POU6F2: variants seen among roughly 807,000 people sequenced by gnomAD.
POU6F2 encodes POU class 6 homeobox 2.
A neutral mutation model predicts 71.3 loss-of-function variants in POU6F2; 31 were observed. That is an observed-to-expected ratio of 0.43 (90% CI 0.33 to 0.59). The LOEUF (loss-of-function observed/expected upper bound fraction) is 0.59, where lower values mean the gene tolerates loss of function less well. Ranked by LOEUF, POU6F2 falls within the 20% of genes least tolerant of loss-of-function variation. The pLI is 0.04. For synonymous variants in POU6F2, 347 were observed against 355.7 expected, an observed-to-expected ratio of 0.98 and a Z score of 0.27; for missense variants, 783 against 856.8, an observed-to-expected ratio of 0.91 and a Z score of 1.07.
intron 2 of POU6F2, among the ~76,000 whole-genome samples, chr7:39,145,006 T>C (rs1792587448): frequency 6.6e-6 from 1 of 152,228 alleles, no homozygotes; most frequent in Non-Finnish European, 1.5e-5. Context: ...ATGAACGCTT[T>C]CATTCCTTCA....
intron 5 of POU6F2, among the ~76,000 whole-genome samples, chr7:39,382,354 G>GTGGA (rs765073502): frequency 5.9e-5 from 9 of 152,152 alleles, no homozygotes; most frequent in Non-Finnish European, 8.8e-5. Flanking sequence ...GAAGCAAAGG[G>GTGGA]TGGAGGTCAT....
chr7:39,084,163 C>T (rs1791187923), intron 1 of POU6F2, among the ~76,000 whole-genome samples: 1 of 152,074 alleles, frequency 6.6e-6, no homozygotes, highest in Non-Finnish European at 1.5e-5. Context: ...TGTTAGATGG[C>T]AGAAATATAA....
intron 4 of POU6F2, among the ~76,000 whole-genome samples, chr7:39,212,176 G>T (rs1216882560): frequency 6.6e-6 from 1 of 152,216 alleles, no homozygotes; most frequent in Non-Finnish European, 1.5e-5. Context: ...TGGGAAGTGG[G>T]AAGCCAGAAT....
At chr7:39,087,398 A>T (rs1032800213) in intron 2 of POU6F2, among the ~76,000 whole-genome samples, 4 of 152,060 alleles carry the variant, frequency 2.6e-5, no homozygotes, top group African/African-American at 9.7e-5. Context: ...AATTTCAAGA[A>T]ATTTTGGTAG....
intron 2 of POU6F2, among the ~76,000 whole-genome samples, chr7:39,139,494 T>C (rs1215297255): frequency 6.6e-6 from 1 of 152,210 alleles, no homozygotes; most frequent in East Asian, 1.9e-4. Flanking sequence ...ATCTTAGTTT[T>C]CTAAATAAAT....
intron 4 of POU6F2, among the ~76,000 whole-genome samples, chr7:39,244,060 C>A (rs994407389): frequency 6.6e-5 from 10 of 152,078 alleles, no homozygotes; most frequent in Non-Finnish European, 1.5e-5. Context: ...AGATTAGAGA[C>A]AGGTTCTCTC....
At chr7:39,322,296 C>T (rs746521747) in intron 4 of POU6F2, among the ~76,000 whole-genome samples, 17 of 152,164 alleles carry the variant, frequency 1.1e-4, no homozygotes, top group Non-Finnish European at 2.2e-4. Context: ...GCCCTTCCGC[C>T]GCCTGCTCAC....
At chr7:39,216,912 T>A (rs761658841) in intron 4 of POU6F2, among the ~76,000 whole-genome samples, 5 of 151,396 alleles carry the variant, frequency 3.3e-5, no homozygotes, top group Non-Finnish European at 5.9e-5. Flanking sequence ...TCCCAATTGT[T>A]TAAAGGAAGC....
intron 1 of POU6F2, among the ~76,000 whole-genome samples, chr7:39,023,978 G>A (rs1430691673): frequency 6.6e-6 from 1 of 152,082 alleles, no homozygotes; most frequent in Non-Finnish European, 1.5e-5. Context: ...GGATTGACTT[G>A]GAGATGTGGG....
chr7:39,024,520 T>G (rs891287624), intron 1 of POU6F2, among the ~76,000 whole-genome samples: 10 of 152,130 alleles, frequency 6.6e-5, no homozygotes, highest in Non-Finnish European at 1.3e-4. Context: ...CTAATTGCCC[T>G]GGCCAGAACT....
chr7:39,161,948 A>T (rs1199270596), intron 2 of POU6F2, among the ~76,000 whole-genome samples: 1 of 152,186 alleles, frequency 6.6e-6, no homozygotes, highest in African/African-American at 2.4e-5. Context: ...ATGGTAGAGT[A>T]ACGCTGTCCT....
rs189420846 is a variant in POU6F2 at position 39,213,942 on chromosome 7, G to A, written c.598+6322G>A. On this transcript the variant is annotated intron_variant, in intron 4 of 9. Transcript: ENST00000518318. ...TGGCCACATCTGATGAGGAAGTTGA[G>A]GAATATACCTTTCTTCGGGGAGTTT... is the stretch of plus-strand genomic sequence containing the variant. Among the ~76,000 whole-genome samples, 1,042 of 152,280 alleles carry A rather than the reference G, an allele frequency of 6.8e-3. 7 individuals are homozygous for A. Among genetic ancestry groups the A allele is most frequent in the Non-Finnish European group, 0.01 (697 of 68,014 alleles).
chr7:39,419,795 C>G (rs1048567874), intron 6 of POU6F2, among the ~76,000 whole-genome samples: 2 of 152,196 alleles, frequency 1.3e-5, no homozygotes, highest in South Asian at 2.1e-4. Flanking sequence ...GATTTTGAGT[C>G]AGCTGCCCAC....
intron 1 of POU6F2, among the ~76,000 whole-genome samples, chr7:38,986,908 C>T (rs1788477250): frequency 1.3e-5 from 2 of 152,214 alleles, no homozygotes; most frequent in South Asian, 2.1e-4. Context: ...TTTTGAACCT[C>T]TTCTCATGTG....
At chr7:39,213,184 G>A (rs113125975) in intron 4 of POU6F2, among the ~76,000 whole-genome samples, 6 of 152,196 alleles carry the variant, frequency 3.9e-5, no homozygotes, top group Admixed American at 1.3e-4. Flanking sequence ...AAAGAGTGCT[G>A]CTAAACCTGA....
intron 4 of POU6F2, among the ~76,000 whole-genome samples, chr7:39,307,113 G>A (rs1179723408): frequency 6.6e-6 from 1 of 152,176 alleles, no homozygotes; most frequent in East Asian, 1.9e-4. Context: ...AATGCCCTCA[G>A]AAGACTGTTT....
intron 4 of POU6F2, among the ~76,000 whole-genome samples, chr7:39,290,598 T>G (rs1424909286): frequency 6.6e-6 from 1 of 152,220 alleles, no homozygotes; most frequent in Non-Finnish European, 1.5e-5. Context: ...CTAGGTAAAT[T>G]TAAATTAACT....
chr7:39,172,606 G>C (rs1213406421), intron 2 of POU6F2, among the ~76,000 whole-genome samples: 1 of 138,604 alleles, frequency 7.2e-6, no homozygotes, highest in African/African-American at 2.7e-5. Context: ...TCAGAGGCCT[G>C]ACTCTTCAGG....
intron 5 of POU6F2, among the ~76,000 whole-genome samples, chr7:39,370,459 C>T (rs947080337): frequency 2.0e-5 from 3 of 152,154 alleles, no homozygotes; most frequent in Admixed American, 6.5e-5. Context: ...CTCTGAAGCT[C>T]TAGTATAATT....
Sources: allele counts gnomAD v4.1 joint callset (sites outside exome capture counted in the v4.1 genomes callset), GRCh38; gene constraint gnomAD v4.1.1; transcripts MANE v1.5; gene names NCBI Gene and HGNC (gene_info 2026-07-23, HGNC 2026-07-21).